The following ANTXR1 variants were observed in gnomAD, a reference collection of about 807,000 sequenced individuals.
ANTXR1 encodes the protein anthrax toxin receptor 1.
Under a neutral mutation model 78.1 loss-of-function variants are expected in ANTXR1, and 19 were observed. The observed-to-expected ratio is 0.24, with a 90% confidence interval of 0.17 to 0.36. The LOEUF is 0.36. Ranked by LOEUF, ANTXR1 falls within the 10% of genes least tolerant of loss-of-function variation. The probability of loss-of-function intolerance (pLI) is 1.00; values close to 1 mark genes in which losing one functional copy is unlikely to be tolerated. For missense variants in ANTXR1, 518 were observed against 718.6 expected, an observed-to-expected ratio of 0.72 and a Z score of 3.19; for synonymous variants, 273 against 260.5, an observed-to-expected ratio of 1.05 and a Z score of -0.46.
At chr2:69,158,377 T>C (rs1673585868) in intron 13 of ANTXR1, among the ~76,000 whole-genome samples, 1 of 152,220 alleles carries the variant, frequency 6.6e-6, no homozygotes, top group African/African-American at 2.4e-5. Flanking sequence ...TGTTGTTCAG[T>C]CCATTTCAGT....
intron 10 of ANTXR1, among the ~76,000 whole-genome samples, chr2:69,104,153 G>A (rs998675301): frequency 2.6e-5 from 4 of 151,996 alleles, no homozygotes; most frequent in Admixed American, 2.6e-4. Context: ...TGGCCAGGCT[G>A]GTCTCGAACT....
chr2:69,049,490 A>G (rs1373702014), intron 3 of ANTXR1, among the ~76,000 whole-genome samples: 1 of 151,826 alleles, frequency 6.6e-6, no homozygotes, highest in Non-Finnish European at 1.5e-5. Context: ...TTTGCATTTT[A>G]GTAGAGACGG....
chr2:69,209,342 G>A (rs1193429179), intron 17 of ANTXR1, among the ~76,000 whole-genome samples: 1 of 152,170 alleles, frequency 6.6e-6, no homozygotes, highest in Non-Finnish European at 1.5e-5. Context: ...CTGACCCTGT[G>A]ACACAGTTGT....
intron 17 of ANTXR1, among the ~76,000 whole-genome samples, chr2:69,210,296 A>C (rs888938140): frequency 6.6e-6 from 1 of 152,080 alleles, no homozygotes; most frequent in African/African-American, 2.4e-5. Flanking sequence ...ATTATTTATC[A>C]CCCCTTTGTT....
At chr2:69,149,251 C>T (rs1320217533) in intron 12 of ANTXR1, among the ~76,000 whole-genome samples, 1 of 152,180 alleles carries the variant, frequency 6.6e-6, no homozygotes. Flanking sequence ...CGGCTGTCCT[C>T]CACCACAGCC....
chr2:69,096,125 G>A (rs1056043441), intron 9 of ANTXR1, among the ~76,000 whole-genome samples: 2 of 151,822 alleles, frequency 1.3e-5, no homozygotes, highest in African/African-American at 4.8e-5. Context: ...AGGCGTGGTG[G>A]CGGGCTCCTG....
chr2:69,087,541 T>C (rs1467427840), intron 8 of ANTXR1, among the ~76,000 whole-genome samples: 2 of 152,178 alleles, frequency 1.3e-5, no homozygotes, highest in African/African-American at 4.8e-5. Flanking sequence ...ATAGGTCAGG[T>C]AAATACGGAC....
chr2:69,022,802 C>G (rs1322431987), intron 1 of ANTXR1, among the ~76,000 whole-genome samples: 1 of 152,210 alleles, frequency 6.6e-6, no homozygotes, highest in Non-Finnish European at 1.5e-5. Context: ...AGGCAGCACA[C>G]ACCTTGGAGC....
At chr2:69,212,146 CT>C (rs1277018094) in intron 17 of ANTXR1, among the ~76,000 whole-genome samples, 3 of 151,696 alleles carry the variant, frequency 2.0e-5, no homozygotes, top group African/African-American at 7.3e-5. Context: ...TTAGTAAATT[CT>C]TTATTAAAGA....
chr2:69,233,456 A>T (rs1675677752), intron 17 of ANTXR1, among the ~76,000 whole-genome samples: 1 of 151,860 alleles, frequency 6.6e-6, no homozygotes, highest in Non-Finnish European at 1.5e-5. Flanking sequence ...ATATATCAGT[A>T]GGTGAAAATA....
chr2:69,240,948 C>T (rs946063982), intron 17 of ANTXR1, among the ~76,000 whole-genome samples: 1 of 152,180 alleles, frequency 6.6e-6, no homozygotes, highest in Non-Finnish European at 1.5e-5. Flanking sequence ...ATGGCACTTT[C>T]AAGCCTAGGA....
At chr2:69,079,065 A>T (rs1670823475) in intron 8 of ANTXR1, among the ~76,000 whole-genome samples, 2 of 152,140 alleles carry the variant, frequency 1.3e-5, no homozygotes, top group East Asian at 1.9e-4. Context: ...TTTCTGTCTT[A>T]ATTATGTTCC....
intron 13 of ANTXR1, among the ~76,000 whole-genome samples, chr2:69,157,388 G>T (rs1366877844): frequency 1.3e-5 from 2 of 151,978 alleles, no homozygotes; most frequent in African/African-American, 2.4e-5. Flanking sequence ...ACCCATCACT[G>T]GCCTTGGCTC....
At chr2:69,077,238 CTTG>C (rs1215451727) in intron 7 of ANTXR1, 167 bp from the exon 8 acceptor site, 1 of 675,498 alleles carries the variant, frequency 1.5e-6, no homozygotes, top group Admixed American at 2.3e-5. Context: ...CACTGGTGAG[CTTG>C]TTATTACTGA....
chr2:69,074,129 C>T (rs1358969387), intron 6 of ANTXR1, among the ~76,000 whole-genome samples: 1 of 152,176 alleles, frequency 6.6e-6, no homozygotes, highest in African/African-American at 2.4e-5. Flanking sequence ...AAATAATGGT[C>T]AGCCCTTTGA....
chr2:69,232,593 C>CT (rs1274833381), intron 17 of ANTXR1, among the ~76,000 whole-genome samples: 1 of 151,546 alleles, frequency 6.6e-6, no homozygotes, highest in African/African-American at 2.4e-5. Flanking sequence ...AACTGGGATC[C>CT]TAGAAAATAA....
chr2:69,236,308 GTATA>G (rs914042298), intron 17 of ANTXR1, among the ~76,000 whole-genome samples: 1 of 152,090 alleles, frequency 6.6e-6, no homozygotes, highest in African/African-American at 2.4e-5. Flanking sequence ...GTGAGTTTGT[GTATA>G]TATATGTGTG....
chr2:69,112,343 A>G (rs963651162), intron 10 of ANTXR1, among the ~76,000 whole-genome samples: 17 of 152,300 alleles, frequency 1.1e-4, no homozygotes, highest in Non-Finnish European at 2.2e-4. Flanking sequence ...AGGGGTGGAA[A>G]GGACTTGAAC....
Position 69,077,268 on chromosome 2 carries a change from C to A in ANTXR1, c.562-140C>A, listed in dbSNP as rs867008907. The stretch of plus-strand genomic sequence containing the variant: ...TATTACTGATGGCTTTTCAGGGCAG[C>A]CCCTGAGCCCAGTGAAGGCCTCATA... On this transcript the variant is annotated intron_variant, in intron 7 of 17. Transcript: ENST00000303714. The A allele has an allele frequency of 2.4e-5, 20 of 839,586 alleles. No homozygotes were observed. In the Middle Eastern group the frequency reaches 3.9e-3, roughly 165 times the overall value. 52.0% of individuals were successfully genotyped at this position (839,586 alleles called of 1,614,324 possible).
Sources: gnomAD v4.1 joint callset for allele counts (sites outside exome capture counted in the v4.1 genomes callset) on GRCh38, gnomAD v4.1.1 for gene constraint, MANE v1.5 for transcripts, NCBI Gene and HGNC (gene_info 2026-07-23, HGNC 2026-07-21) for gene names.